The following C4BPB variants were observed in gnomAD, a reference collection of about 807,000 sequenced individuals.
C4BPB encodes C4b-binding protein beta chain.
In C4BPB, 19 loss-of-function variants were observed where a neutral mutation model predicts 26.6. The ratio of observed to expected loss-of-function variants is 0.71; its 90% confidence interval spans 0.50 to 1.05. The LOEUF (loss-of-function observed/expected upper bound fraction) is 1.05. Among genes scored for constraint, C4BPB ranks in the 50% least tolerant of loss-of-function variants. The pLI is 0.00. For missense variants in C4BPB, 282 were observed against 302.9 expected (o/e 0.93, Z 0.51); for synonymous variants, 118 against 103.5 (o/e 1.14, Z -0.85).
At chr1:207,092,742 C>T (rs1684084406) in intron 4 of C4BPB, among the ~76,000 whole-genome samples, 1 of 151,560 alleles carries the variant, frequency 6.6e-6, no homozygotes, top group African/African-American at 2.4e-5. Context: ...ATTCTGCTGC[C>T]TCAGCCTCCC....
chr1:207,088,913 C>CT lies in C4BPB; in HGVS notation c.-83dup. ...GGAGTCAGTTAAGACCAGTTCCTTGCTGGGAAGCCCTAACTCTGGAGGGAC... is the reference window on the plus strand; with the variant it reads ...GGAGTCAGTTAAGACCAGTTCCTTGCTTGGGAAGCCCTAACTCTGGAGGGAC... On this transcript the variant is annotated 5_prime_UTR_variant, in exon 1 of 7. Coordinates refer to ENST00000367078, the MANE Select transcript of C4BPB (RefSeq NM_001017365.3). 6.5e-6 allele frequency: 1 copy of CT among 152,776 alleles called. No homozygotes were observed. The highest frequency in any genetic ancestry group is 1.5e-5 in the Non-Finnish European group (1 of 68,390). 9.5% of individuals were successfully genotyped at this position (152,776 alleles called of 1,614,324 possible).
intron 4 of C4BPB, among the ~76,000 whole-genome samples, chr1:207,093,324 A>G (rs556202995): frequency 6.6e-6 from 1 of 152,344 alleles, no homozygotes; most frequent in African/African-American, 2.4e-5. Flanking sequence ...AACATTGTAA[A>G]TATTTTTGGG....
chr1:207,089,634 C>G (rs1553253617), intron 2 of C4BPB, 45 bp downstream of exon 2: 4 of 1,548,076 alleles, frequency 2.6e-6, no homozygotes, highest in South Asian at 1.1e-5. Flanking sequence ...ATTTGGTGTC[C>G]TTTTGCGGTG....
At chr1:207,096,463 G>C in intron 4 of C4BPB, 59 bp from the exon 5 acceptor site, 1 of 979,344 alleles carries the variant, frequency 1.0e-6, no homozygotes, top group Admixed American at 1.7e-5. Flanking sequence ...AATTAGGGGT[G>C]CTGTTCATTG....
At chr1:207,093,322 A>T (rs1427116872) in intron 4 of C4BPB, among the ~76,000 whole-genome samples, 2 of 152,222 alleles carry the variant, frequency 1.3e-5, no homozygotes, top group Admixed American at 1.3e-4. Flanking sequence ...CTAACATTGT[A>T]AATATTTTTG....
chr1:207,098,041 G>A, intron 5 of C4BPB, 109 bp from the exon 6 acceptor site: 2 of 813,400 alleles, frequency 2.5e-6, no homozygotes, highest in Non-Finnish European at 4.2e-6. Flanking sequence ...AGGGCAGGGA[G>A]GTGGATTCCA....
chr1:207,096,661 G>A, intron 5 of C4BPB, 46 bp downstream of exon 5: 1 of 1,114,036 alleles, frequency 9.0e-7, no homozygotes, highest in Non-Finnish European at 1.3e-6. Context: ...CCCCTTGGCA[G>A]CATTGTTTTG....
Position 207,095,511 on chromosome 1 carries a change from T to C in C4BPB, c.410-1011T>C, listed in dbSNP as rs1487126799. ...GCTGGGCTAATTTTTGTATTTTTAG[T>C]AGAGACTGGGTTTCACCATGTTGGC... is the stretch of plus-strand genomic sequence containing the variant. On this transcript the variant is annotated intron_variant, in intron 4 of 6. Coordinates refer to ENST00000367078, the MANE Select transcript of C4BPB (RefSeq NM_001017365.3). The C allele has an allele frequency of 1.4e-5, 6 of 430,126 alleles. No homozygotes were observed. The East Asian group carries it at 2.8e-4, about 20-fold the overall frequency. The allele number at this position is 430,126 out of a possible 1,614,324, so 26.6% of individuals were successfully genotyped here.
At chr1:207,089,238 C>T in intron 1 of C4BPB, 1 of 389,292 alleles carries the variant, frequency 2.6e-6, no homozygotes. Flanking sequence ...ACTGGATTTG[C>T]ATTCCCAGAA....
rs751741243 is a variant in C4BPB at position 207,090,429 on chromosome 1, C to G, written c.180C>G (p.Thr60=). ...GCTACCACCTGGTAGGAAAGAAGAC[C>G]CTTTTTTGCAATGCCTCTAAGGAGT... The part of the protein sequence containing the change: ...IKGYHLVGKK[T]LFCNASKEWD... Residue 60 remains threonine (T), a synonymous_variant, in exon 3 of 7, where the codon ACC becomes ACG. Transcript: ENST00000367078. 3 of 1,613,978 alleles carry G rather than the reference C, an allele frequency of 1.9e-6. No homozygotes were observed. The South Asian group carries it at 3.3e-5, about 18-fold the overall frequency.
At chr1:207,092,621 C>A (rs1041124860) in intron 4 of C4BPB, among the ~76,000 whole-genome samples, 1 of 144,984 alleles carries the variant, frequency 6.9e-6, no homozygotes, top group Non-Finnish European at 1.5e-5. Flanking sequence ...GTTGTTATTT[C>A]TTTCTTTCTT....
chr1:207,092,167 A>G lies in C4BPB; in HGVS notation c.409+347A>G, dbSNP rs182634769. On this transcript the variant is annotated intron_variant, in intron 4 of 6. Transcript: ENST00000367078. ...GTAAACACAAAACGGGAAAAAGATCATAACTCATCTATTGCAAAATTATCT... is the reference window on the plus strand; with the variant it reads ...GTAAACACAAAACGGGAAAAAGATCGTAACTCATCTATTGCAAAATTATCT... Among the ~76,000 whole-genome samples the G allele has an allele frequency of 6.6e-5, 10 of 152,360 alleles. No homozygotes were observed. The East Asian group carries it at 1.7e-3, about 26-fold the overall frequency.
chr1:207,089,536 T>C lies in C4BPB; in HGVS notation c.5T>C (p.Phe2Ser). ...GGAGAGGACTTTGATCACCAGATGT[T>C]TTTTTGGTGTGCGTGCTGTCTTATG... M[F>S]FWCACCLMVA... The change falls in exon 2 of 7, where the codon TTT becomes TCT. Residue 2 changes from phenylalanine (F) to serine (S), a missense_variant. By Grantham distance (155) the Phe-to-Ser change is radical. Transcript: ENST00000367078. The C allele has an allele frequency of 3.7e-6, 6 of 1,614,044 alleles. No homozygotes were observed. Among genetic ancestry groups the C allele is most frequent in the Non-Finnish European group, 5.1e-6 (6 of 1,179,938 alleles).
chr1:207,090,508 C>T, intron 3 of C4BPB, 27 bp downstream of exon 3: 2 of 1,567,368 alleles, frequency 1.3e-6, no homozygotes, highest in East Asian at 2.3e-5. Flanking sequence ...TGTATCTTTG[C>T]CCATATTGAT....
rs769703116 is a variant in C4BPB at position 207,091,764 on chromosome 1, G to C, written c.353G>C (p.Arg118Pro). Residue 118 changes from arginine (R) to proline (P), a missense_variant, in exon 4 of 7, where the codon CGG becomes CCG. Physicochemically the swap from Arg to Pro is moderately radical, Grantham distance 103 (BLOSUM62 -2). Transcript: ENST00000367078. Reference sequence around the variant, plus strand: ...CACTACATCCTCAAGGGCAGCAATCGGAGCCAGTGTCTAGAGGACCACACC... The same window carrying C: ...CACTACATCCTCAAGGGCAGCAATCCGAGCCAGTGTCTAGAGGACCACACC... The part of the protein sequence containing the change: ...NDHYILKGSN[R>P]SQCLEDHTWA... The C allele has an allele frequency of 6.2e-7, 1 of 1,614,070 alleles. No individual in the cohort carries two copies. Among genetic ancestry groups the C allele is most frequent in the South Asian group, 1.1e-5 (1 of 91,068 alleles).
At chr1:207,091,162 C>T (rs953099265) in intron 3 of C4BPB, among the ~76,000 whole-genome samples, 13 of 152,024 alleles carry the variant, frequency 8.6e-5, no homozygotes, top group Non-Finnish European at 1.0e-4. Context: ...TAGAGCACAC[C>T]GATATTATTA....
At position 207,099,906 on chromosome 1, in the gene C4BPB, G is replaced by A. The variant is rs752133145; in HGVS notation, c.736G>A (p.Glu246Lys). 1 of 1,613,230 alleles carries A rather than the reference G, an allele frequency of 6.2e-7. No individual in the cohort carries two copies. The highest frequency in any genetic ancestry group is 1.1e-5 in the South Asian group (1 of 90,852). The change falls in exon 7 of 7, where the codon GAG (glutamate) becomes AAG (lysine). Residue 246 changes from glutamate to lysine, a missense_variant. By Grantham distance (56) the Glu-to-Lys change is moderately conservative (BLOSUM62 1). Transcript: ENST00000367078. ...ATATTCTCTGGAGCTGAAGAAAGCT[G>A]AGTTGAAGGCAAAATTGTTGTAACA... ...LKYSLELKKA[E>K]LKAKLL is the part of the protein sequence containing the mutation.
intron 4 of C4BPB, among the ~76,000 whole-genome samples, chr1:207,092,570 T>C (rs985376862): frequency 1.3e-5 from 2 of 151,980 alleles, no homozygotes; most frequent in African/African-American, 4.8e-5. Flanking sequence ...GGAACAATGC[T>C]GAAATGAATA....
chr1:207,089,693 T>C, intron 2 of C4BPB, 104 bp downstream of exon 2: 1 of 905,596 alleles, frequency 1.1e-6, no homozygotes, highest in Non-Finnish European at 1.8e-6. Flanking sequence ...ATTTATAATA[T>C]CTTTATTCTT....
Sources: gnomAD v4.1 joint callset for allele counts (sites outside exome capture counted in the v4.1 genomes callset) on GRCh38, gnomAD v4.1.1 for gene constraint, MANE v1.5 for transcripts, NCBI Gene and HGNC (gene_info 2026-07-23, HGNC 2026-07-21) for gene names.